Variants in CADM2 observed in about 807,000 individuals in gnomAD.
CADM2 encodes the protein cell adhesion molecule 2.
A neutral mutation model predicts 49.8 loss-of-function variants in CADM2; 12 were observed. The observed-to-expected ratio is 0.24, with a 90% confidence interval of 0.15 to 0.39. The LOEUF (loss-of-function observed/expected upper bound fraction) is 0.39. Ranked by LOEUF, CADM2 falls within the 10% of genes least tolerant of loss-of-function variation. The probability of loss-of-function intolerance (pLI) is 1.00; values close to 1 mark genes in which losing one functional copy is unlikely to be tolerated. For missense variants in CADM2, 378 were observed against 492.3 expected, an observed-to-expected ratio of 0.77 and a Z score of 2.20; for synonymous variants, 214 against 175.4, an observed-to-expected ratio of 1.22 and a Z score of -1.74.
intron 1 of CADM2, among the ~76,000 whole-genome samples, chr3:84,966,211 G>A (rs2030969313): frequency 6.6e-6 from 1 of 152,052 alleles, no homozygotes; most frequent in Non-Finnish European, 1.5e-5. Context: ...TGCTTAAGTA[G>A]GGATCAGTTA....
intron 1 of CADM2, among the ~76,000 whole-genome samples, chr3:85,070,843 G>T (rs573886107): frequency 6.6e-6 from 1 of 152,052 alleles, no homozygotes; most frequent in South Asian, 2.1e-4. Flanking sequence ...TAAAAAAATA[G>T]CTGGGCTGGG....
At chr3:85,583,254 C>A (rs2062847142) in intron 1 of CADM2, among the ~76,000 whole-genome samples, 1 of 152,076 alleles carries the variant, frequency 6.6e-6, no homozygotes, top group Non-Finnish European at 1.5e-5. Context: ...ATGATGGCTT[C>A]ATTCACTCAT....
At chr3:85,802,598 A>G (rs978699015) in intron 3 of CADM2, among the ~76,000 whole-genome samples, 3 of 152,098 alleles carry the variant, frequency 2.0e-5, no homozygotes, top group Admixed American at 6.6e-5. Flanking sequence ...GAAAAGTTTA[A>G]TGATTTTATT....
At chr3:85,746,760 G>A (rs1451559950) in intron 2 of CADM2, among the ~76,000 whole-genome samples, 3 of 151,990 alleles carry the variant, frequency 2.0e-5, no homozygotes, top group Non-Finnish European at 4.4e-5. Context: ...GACTCAGGGG[G>A]TAACTCTCCC....
At chr3:85,387,283 T>A (rs190137541) in intron 1 of CADM2, among the ~76,000 whole-genome samples, 36 of 152,330 alleles carry the variant, frequency 2.4e-4, no homozygotes, top group Non-Finnish European at 4.6e-4. Flanking sequence ...ACTGGAAATT[T>A]TTTAAATAGA....
rs1042984093 is a variant in CADM2, at chr3:85,318,938, C to T, written c.61+359270C>T. On this transcript the variant is annotated intron_variant, in intron 1 of 9. Transcript: ENST00000383699. ...TGTAATTTACTTATTAATGTGACAACGTTCGGGCTCTTAACTTGAGATTAC... is the reference window on the plus strand; with the variant it reads ...TGTAATTTACTTATTAATGTGACAATGTTCGGGCTCTTAACTTGAGATTAC... Among the ~76,000 whole-genome samples the T allele has an allele frequency of 1.1e-4, 16 of 152,088 alleles. No homozygotes were observed. The East Asian group carries it at 2.1e-3, about 20-fold the overall frequency.
chr3:86,073,200 G>C lies in CADM2; in HGVS notation c.*6417G>C, dbSNP rs1703378102. 1 of 151,986 alleles carries C rather than the reference G, an allele frequency of 6.6e-6. No individual in the cohort carries two copies. The highest frequency in any genetic ancestry group is 2.4e-5 in the African/African-American group (1 of 41,426). 9.4% of individuals were successfully genotyped at this position (151,986 alleles called of 1,614,324 possible). On this transcript the variant is annotated 3_prime_UTR_variant, in exon 10 of 10. Coordinates refer to ENST00000383699, the MANE Select transcript of CADM2 (RefSeq NM_001167675.2). Reference sequence around the variant, plus strand: ...AAAAATAATTTAAAGACTTATCTCTGAAAACGGTATCCAGAAACGCAGGTG... The same window carrying C: ...AAAAATAATTTAAAGACTTATCTCTCAAAACGGTATCCAGAAACGCAGGTG...
At chr3:85,628,458 T>G (rs1457872925) in intron 1 of CADM2, among the ~76,000 whole-genome samples, 2 of 150,990 alleles carry the variant, frequency 1.3e-5, no homozygotes, top group Non-Finnish European at 3.0e-5. Flanking sequence ...ATATATATCT[T>G]TAATATGGAG....
chr3:85,393,996 C>T (rs993083848), intron 1 of CADM2, among the ~76,000 whole-genome samples: 1 of 151,982 alleles, frequency 6.6e-6, no homozygotes, highest in East Asian at 1.9e-4. Flanking sequence ...TTAGTAGAGA[C>T]GGGGTAGCCA....
chr3:85,009,865 C>A (rs199967466), intron 1 of CADM2, among the ~76,000 whole-genome samples: 1 of 140,674 alleles, frequency 7.1e-6, no homozygotes, highest in Non-Finnish European at 1.5e-5. Flanking sequence ...GATTCTATCT[C>A]AATAAATAAA....
chr3:85,898,324 A>G (rs1403538303), intron 5 of CADM2, among the ~76,000 whole-genome samples: 1 of 152,062 alleles, frequency 6.6e-6, no homozygotes, highest in Non-Finnish European at 1.5e-5. Context: ...ATAGATATTT[A>G]AATTTTGCAA....
At chr3:85,040,759 A>C (rs908905945) in intron 1 of CADM2, among the ~76,000 whole-genome samples, 2 of 152,210 alleles carry the variant, frequency 1.3e-5, no homozygotes, top group South Asian at 2.1e-4. Context: ...CAAAGTGATA[A>C]ATTTTCACTA....
chr3:86,059,080 C>T (rs1300695095), intron 8 of CADM2, among the ~76,000 whole-genome samples: 4 of 136,570 alleles, frequency 2.9e-5, no homozygotes, highest in African/African-American at 8.5e-5. Flanking sequence ...GGTGACAGAG[C>T]GAGACTCCAT....
In CADM2 at chr3:86,072,850, C is replaced by A. The variant is rs1292759502; in HGVS notation, c.*6067C>A. 1.3e-5 allele frequency: 2 copies of A among 151,914 alleles called. No homozygotes were observed. Among genetic ancestry groups the A allele is most frequent in the Non-Finnish European group, 2.9e-5 (2 of 67,914 alleles). The allele number at this position is 151,914 out of a possible 1,614,324, so 9.4% of individuals were successfully genotyped here. A position where few individuals can be genotyped will look rare whatever the true frequency, so the allele number is the denominator to read the frequency against. ...TGTGTTTTTAATGTATGGAATAAAT[C>A]TCATAAATAGAAAGAAAAATAATCT... On this transcript the variant is annotated 3_prime_UTR_variant, in exon 10 of 10. Transcript: ENST00000383699.
intron 1 of CADM2, among the ~76,000 whole-genome samples, chr3:85,632,630 A>C (rs1308650221): frequency 6.6e-6 from 1 of 152,106 alleles, no homozygotes; most frequent in South Asian, 2.1e-4. Context: ...GAGGATGCTC[A>C]TGACAGCAAC....
intron 2 of CADM2, among the ~76,000 whole-genome samples, chr3:85,763,937 T>C (rs958578808): frequency 6.6e-6 from 1 of 152,104 alleles, no homozygotes; most frequent in African/African-American, 2.4e-5. Flanking sequence ...CTTCAGAGCA[T>C]TCTCTGCCTT....
intron 1 of CADM2, among the ~76,000 whole-genome samples, chr3:85,535,978 G>T (rs1019897397): frequency 2.6e-5 from 4 of 152,062 alleles, no homozygotes; most frequent in African/African-American, 9.7e-5. Context: ...TTATTAAAGA[G>T]AATAAAACTT....
At chr3:85,228,792 A>C (rs967303653) in intron 1 of CADM2, among the ~76,000 whole-genome samples, 24 of 152,076 alleles carry the variant, frequency 1.6e-4, no homozygotes, top group Admixed American at 4.6e-4. Flanking sequence ...GCCAGTCTAC[A>C]CAGGGGTCAG....
chr3:85,104,367 G>T (rs1364006301), intron 1 of CADM2, among the ~76,000 whole-genome samples: 10 of 151,834 alleles, frequency 6.6e-5, no homozygotes, highest in Non-Finnish European at 1.3e-4. Context: ...TAGATATGCG[G>T]CGTTATTTCT....
Sources: gnomAD v4.1 joint callset for allele counts (sites outside exome capture counted in the v4.1 genomes callset) on GRCh38, gnomAD v4.1.1 for gene constraint, MANE v1.5 for transcripts, NCBI Gene and HGNC (gene_info 2026-07-23, HGNC 2026-07-21) for gene names.